The following TCIRG1 variants were observed in gnomAD, a reference collection of about 807,000 sequenced individuals.
The protein encoded by TCIRG1 is T cell immune regulator 1, ATPase H+ transporting V0 subunit a3, also known as V-type proton ATPase 116 kDa subunit a 3.
In TCIRG1, 86 loss-of-function variants were observed where a neutral mutation model predicts 95.5. The ratio of observed to expected loss-of-function variants is 0.90; its 90% CI spans 0.76 to 1.08. The LOEUF (loss-of-function observed/expected upper bound fraction) is 1.08. Ranked by LOEUF, TCIRG1 falls within the 50% of genes least tolerant of loss-of-function variation. The pLI is 0.00. For synonymous variants in TCIRG1, 499 were observed against 501.3 expected, an observed-to-expected ratio of 1.00 and a Z score of 0.06; for missense variants, 1,069 against 1,140.2, an observed-to-expected ratio of 0.94 and a Z score of 0.90.
At chr11:68,050,969 G>T (rs1325899119), downstream of TCIRG1, 75 of 887,318 alleles carry the variant, frequency 8.5e-5, no homozygotes, top group South Asian at 7.7e-4. Flanking sequence ...GTAGGATCTG[G>T]GACCTCAAAA....
Position 68,050,251 on chromosome 11 carries a change from G to A in TCIRG1, c.2233G>A (p.Ala745Thr), listed in dbSNP as rs1420437252. Residue 745 changes from alanine (A) to threonine (T), a missense_variant, in exon 18 of 20, where the codon GCC becomes ACC. Transcript: ENST00000265686. ...LRLWALSLAH[A>T]QLSEVLWAMV... Reference sequence around the variant, plus strand: ...CCTGTGGGCCCTGAGCCTGGCCCACGCCCGTGAGTGACCTGGCCACCGACG... The same window carrying A: ...CCTGTGGGCCCTGAGCCTGGCCCACACCCGTGAGTGACCTGGCCACCGACG... 5 of 1,612,358 alleles carry A rather than the reference G, an allele frequency of 3.1e-6. No individual in the cohort carries two copies. Among genetic ancestry groups the A allele is most frequent in the Admixed American group, 3.3e-5 (2 of 60,018 alleles).
At chr11:68,047,371 TG>T in intron 10 of TCIRG1, 61 bp from the exon 11 acceptor site, 1 of 1,538,644 alleles carries the variant, frequency 6.5e-7, no homozygotes, top group Non-Finnish European at 8.8e-7. Flanking sequence ...CGTGGCGTCT[TG>T]GGCCGGGAGG....
chr11:68,053,018 C>G (rs972263742), downstream of TCIRG1: 2 of 152,590 alleles, frequency 1.3e-5, no homozygotes, highest in Non-Finnish European at 2.9e-5. Context: ...TACACTCGAT[C>G]CACGCCCCAC....
At chr11:68,046,977 A>G (rs1399654962) in intron 10 of TCIRG1, 1 of 453,762 alleles carries the variant, frequency 2.2e-6, no homozygotes. Flanking sequence ...TGGCTGGGCC[A>G]AGGTCACACA....
rs1440457949 is a variant in TCIRG1 at position 68,050,155 on chromosome 11, C to T, written c.2137C>T (p.Leu713Phe). The T allele has an allele frequency of 4.3e-6, 7 of 1,613,318 alleles. No individual in the cohort carries two copies. The Admixed American group carries it at 1.2e-4, about 27-fold the overall frequency. Reference sequence around the variant, plus strand: ...CCCGCAGCTCGTCCCCTCCGAGGTGCTCATGCACCAGGCCATCCACACCAT... The same window carrying T: ...CCCGCAGCTCGTCCCCTCCGAGGTGTTCATGCACCAGGCCATCCACACCAT... ...EEAELVPSEVLMHQAIHTIEF... is the reference protein window; with the variant it reads ...EEAELVPSEVFMHQAIHTIEF... Residue 713 changes from leucine to phenylalanine, a missense_variant, in exon 18 of 20, where the codon CTC becomes TTC. Physicochemically the swap from Leu to Phe is conservative, Grantham distance 22. Transcript: ENST00000265686.
chr11:68,048,809 G>T (rs546778093), intron 13 of TCIRG1, 70 bp from the exon 14 acceptor site: 1 of 1,130,230 alleles, frequency 8.8e-7, no homozygotes, highest in Non-Finnish European at 1.3e-6. Context: ...AGAGTGACTC[G>T]GGCCGGGGAC....
chr11:68,046,707 A>G (rs1855503980), intron 10 of TCIRG1, among the ~76,000 whole-genome samples: 1 of 152,116 alleles, frequency 6.6e-6, no homozygotes, highest in South Asian at 2.1e-4. Context: ...ACTTGTTCCC[A>G]TTTTACTGAT....
Position 68,050,272 on chromosome 11 carries a change from CGA to C in TCIRG1, c.2236+19_2236+20del. 1 of 1,609,178 alleles carries C rather than the reference CGA, an allele frequency of 6.2e-7. No individual in the cohort carries two copies. Among genetic ancestry groups the C allele is most frequent in the East Asian group, 2.2e-5 (1 of 44,858 alleles). On this transcript the variant is annotated intron_variant, in intron 18 of 19. Coordinates refer to ENST00000265686, the MANE Select transcript of TCIRG1 (RefSeq NM_006019.4). ...CCACGCCCGTGAGTGACCTGGCCAC[CGA>C]CGGCTGGCCCCAGCTCCTGGCTTCT...
chr11:68,052,288 G>T (rs1855822978), downstream of TCIRG1: 1 of 152,400 alleles, frequency 6.6e-6, no homozygotes, highest in African/African-American at 2.4e-5. Context: ...GCCTGAGACT[G>T]TGACTGAGCT....
intron 5 of TCIRG1, 117 bp downstream of exon 5, chr11:68,043,148 GCCT>G: frequency 6.5e-7 from 1 of 1,529,560 alleles, no homozygotes; most frequent in Non-Finnish European, 8.8e-7. Flanking sequence ...GGCTGGCCCC[GCCT>G]CCTCCTTCAG....
rs1215965550 is a variant in TCIRG1 at position 68,043,008 on chromosome 11, G to T, written c.480G>T (p.Gly160=). 1.3e-6 allele frequency: 2 copies of T among 1,551,840 alleles called. No individual in the cohort carries two copies. Among genetic ancestry groups the T allele is most frequent in the Admixed American group, 3.9e-5 (2 of 51,482 alleles). ...ERTPLLQAPG[G]PHQDLRVNFV... is the part of the protein sequence containing the mutation. ...CGCCCCTGCTCCAGGCCCCCGGGGGGCCGCACCAGGACCTGAGGGTCAAGT... is the reference window on the plus strand; with the variant it reads ...CGCCCCTGCTCCAGGCCCCCGGGGGTCCGCACCAGGACCTGAGGGTCAAGT... Residue 160 remains glycine (G), a synonymous_variant, in exon 5 of 20, where the codon GGG becomes GGT. Transcript: ENST00000265686.
intron 9 of TCIRG1, 29 bp downstream of exon 9, chr11:68,044,373 C>T: frequency 6.6e-7 from 1 of 1,514,404 alleles, no homozygotes; most frequent in Non-Finnish European, 8.9e-7. Flanking sequence ...CGCCCCCTCT[C>T]CGCCCGCCCC....
Position 68,050,125 on chromosome 11 carries a change from C to T in TCIRG1, c.2119-12C>T, listed in dbSNP as rs2134464358. The T allele has an allele frequency of 1.2e-6, 2 of 1,612,742 alleles. No homozygotes were observed. Among genetic ancestry groups the T allele is most frequent in the South Asian group, 1.1e-5 (1 of 91,074 alleles). The stretch of plus-strand genomic sequence containing the variant: ...TGAGGCCCTGCCGGCCCTCACTGCA[C>T]CCGCCCCGCAGCTCGTCCCCTCCGA... On this transcript the variant is annotated splice_polypyrimidine_tract_variant and intron_variant, in intron 17 of 19. Coordinates refer to ENST00000265686, the MANE Select transcript of TCIRG1 (RefSeq NM_006019.4).
chr11:68,048,160 G>A (rs567958824), intron 13 of TCIRG1, 188 bp downstream of exon 13: 63 of 672,402 alleles, frequency 9.4e-5, no homozygotes, highest in South Asian at 7.9e-4. Flanking sequence ...CTGAGTGTGC[G>A]GAGGCAAAGC....
At chr11:68,050,398 T>G (rs763944576) in intron 18 of TCIRG1, 89 bp from the exon 19 acceptor site, 1 of 1,609,382 alleles carries the variant, frequency 6.2e-7, no homozygotes, top group Admixed American at 1.7e-5. Flanking sequence ...TGGCCCCCCG[T>G]GCAGGGAGGG....
Position 68,047,877 on chromosome 11 carries a change from C to T in TCIRG1, c.1464-5C>T, listed in dbSNP as rs372813575. ...CCCTGACCGCCCTCCCCTGCGTTGC[C>T]GCAGTGATGCATTCCTGGCCCAGCA... On this transcript the variant is annotated splice_polypyrimidine_tract_variant and splice_region_variant and intron_variant, in intron 12 of 19. Coordinates refer to ENST00000265686, the MANE Select transcript of TCIRG1 (RefSeq NM_006019.4). 7.1e-5 allele frequency: 114 copies of T among 1,613,386 alleles called. 1 individual carries two copies. Among genetic ancestry groups the T allele is most frequent in the South Asian group, 3.4e-4 (31 of 91,084 alleles).
At chr11:68,053,741 G>A (rs1247567668), downstream of TCIRG1, 6 of 427,388 alleles carry the variant, frequency 1.4e-5, no homozygotes, top group Non-Finnish European at 2.5e-5. Context: ...AGGATTCAGA[G>A]ATGTTGCACT....
In TCIRG1 at chr11:68,049,652, C is replaced by G. The variant is rs768456228; in HGVS notation, c.1888-11C>G. 6.3e-7 allele frequency: 1 copy of G among 1,599,602 alleles called. No homozygotes were observed. Among genetic ancestry groups the G allele is most frequent in the Non-Finnish European group, 8.5e-7 (1 of 1,179,116 alleles). ...GCAGGGACGCCCTGACTCTCGCCCTCTCCCTGGCAGGAGGTGGTCCAGGCC... is the reference window on the plus strand; with the variant it reads ...GCAGGGACGCCCTGACTCTCGCCCTGTCCCTGGCAGGAGGTGGTCCAGGCC... On this transcript the variant is annotated splice_polypyrimidine_tract_variant and intron_variant, in intron 15 of 19. Coordinates refer to ENST00000265686, the MANE Select transcript of TCIRG1 (RefSeq NM_006019.4).
At chr11:68,045,384 C>G (rs1237196404) in intron 10 of TCIRG1, among the ~76,000 whole-genome samples, 2 of 152,248 alleles carry the variant, frequency 1.3e-5, no homozygotes, top group African/African-American at 4.8e-5. Flanking sequence ...GGTTGGAAGC[C>G]CATCTCGCCT....
Sources: allele counts gnomAD v4.1 joint callset (sites outside exome capture counted in the v4.1 genomes callset), GRCh38; gene constraint gnomAD v4.1.1; transcripts MANE v1.5; gene names NCBI Gene and HGNC (gene_info 2026-07-23, HGNC 2026-07-21).